Variants in NUDT3 observed in about 807,000 individuals in gnomAD.
The protein encoded by NUDT3 is nudix hydrolase 3.
In NUDT3, 9 loss-of-function variants were observed where a neutral mutation model predicts 23.6. The ratio of observed to expected loss-of-function variants is 0.38; its 90% confidence interval spans 0.23 to 0.66. The LOEUF (loss-of-function observed/expected upper bound fraction) is 0.66. Ranked by LOEUF, NUDT3 falls within the 30% of genes least tolerant of loss-of-function variation. NUDT3 has a pLI of 0.52. For synonymous variants in NUDT3, 86 were observed against 82.6 expected, an observed-to-expected ratio of 1.04 and a Z score of -0.22; for missense variants, 172 against 218.5, an observed-to-expected ratio of 0.79 and a Z score of 1.34.
chr6:34,358,718 C>A (rs1360483918), intron 1 of NUDT3, among the ~76,000 whole-genome samples: 1 of 152,094 alleles, frequency 6.6e-6, no homozygotes, highest in African/African-American at 2.4e-5. Flanking sequence ...GGGGCCAGAG[C>A]TAGGACTGGG....
At chr6:34,351,440 TAA>T (rs59813238) in intron 1 of NUDT3, among the ~76,000 whole-genome samples, 2 of 129,120 alleles carry the variant, frequency 1.5e-5, no homozygotes. Flanking sequence ...ACCATGTCTT[TAA>T]AAAAAAAAAA....
At chr6:34,371,952 T>G (rs1310636685) in intron 1 of NUDT3, among the ~76,000 whole-genome samples, 1 of 152,204 alleles carries the variant, frequency 6.6e-6, no homozygotes, top group Non-Finnish European at 1.5e-5. Context: ...GTCCAAGTGT[T>G]CTTATTGTTC....
At chr6:34,364,257 C>T (rs550129798) in intron 1 of NUDT3, among the ~76,000 whole-genome samples, 1 of 152,268 alleles carries the variant, frequency 6.6e-6, no homozygotes, top group South Asian at 2.1e-4. Context: ...TAACAGCTGA[C>T]AAGCTGTCTT....
chr6:34,347,785 A>G (rs1489293603), intron 1 of NUDT3, among the ~76,000 whole-genome samples: 2 of 152,092 alleles, frequency 1.3e-5, no homozygotes, highest in Non-Finnish European at 2.9e-5. Flanking sequence ...AAAAAGAGTA[A>G]TTATACGGAG....
At chr6:34,380,626 A>G (rs776583723) in intron 1 of NUDT3, among the ~76,000 whole-genome samples, 7 of 152,208 alleles carry the variant, frequency 4.6e-5, no homozygotes, top group Non-Finnish European at 1.0e-4. Flanking sequence ...AGGGTTCAAA[A>G]TGGATAGAAT....
intron 2 of NUDT3, among the ~76,000 whole-genome samples, chr6:34,296,883 G>C (rs897065313): frequency 1.3e-4 from 19 of 151,204 alleles, no homozygotes; most frequent in Non-Finnish European, 2.5e-4. Flanking sequence ...AATACACAGA[G>C]TGATGTGATG....
At chr6:34,299,779 C>G (rs116128469) in intron 2 of NUDT3, among the ~76,000 whole-genome samples, 1 of 151,022 alleles carries the variant, frequency 6.6e-6, no homozygotes, top group African/African-American at 2.4e-5. Context: ...GGTGGGTGCC[C>G]ATAATCCCAG....
intron 2 of NUDT3, among the ~76,000 whole-genome samples, chr6:34,336,479 A>G (rs1166196434): frequency 6.6e-6 from 1 of 151,990 alleles, no homozygotes; most frequent in Non-Finnish European, 1.5e-5. Context: ...CCCTTGTTGA[A>G]TGAGTATTTT....
chr6:34,295,742 C>G, intron 2 of NUDT3, 57 bp from the exon 3 acceptor site: 1 of 1,601,372 alleles, frequency 6.2e-7, no homozygotes, highest in East Asian at 2.2e-5. Context: ...TGGTCTCATT[C>G]TGAGTCTTCT....
chr6:34,372,421 T>A (rs1764846242), intron 1 of NUDT3, among the ~76,000 whole-genome samples: 1 of 152,160 alleles, frequency 6.6e-6, no homozygotes, highest in African/African-American at 2.4e-5. Context: ...TCCTGACTTT[T>A]TAATGATTGC....
At chr6:34,333,562 A>G (rs1764161846) in intron 2 of NUDT3, among the ~76,000 whole-genome samples, 1 of 152,174 alleles carries the variant, frequency 6.6e-6, no homozygotes, top group African/African-American at 2.4e-5. Context: ...TCTTACCTTG[A>G]GCATATTAGG....
chr6:34,296,233 C>T (rs1183643995), intron 2 of NUDT3, among the ~76,000 whole-genome samples: 1 of 152,176 alleles, frequency 6.6e-6, no homozygotes, highest in Non-Finnish European at 1.5e-5. Context: ...TGCACCACTG[C>T]ACTCCAGCCT....
chr6:34,351,761 AAG>A (rs1764482715), intron 1 of NUDT3, among the ~76,000 whole-genome samples: 1 of 138,996 alleles, frequency 7.2e-6, no homozygotes, highest in South Asian at 2.2e-4. Flanking sequence ...AAAAAAAAAA[AAG>A]AAATAGAAAA....
At chr6:34,308,968 G>A (rs915822248) in intron 2 of NUDT3, among the ~76,000 whole-genome samples, 2 of 152,096 alleles carry the variant, frequency 1.3e-5, no homozygotes, top group Non-Finnish European at 2.9e-5. Context: ...TTATTCTCAA[G>A]CTCACATGGA....
At chr6:34,300,170 G>A (rs1461803109) in intron 2 of NUDT3, among the ~76,000 whole-genome samples, 1 of 152,152 alleles carries the variant, frequency 6.6e-6, no homozygotes, top group Non-Finnish European at 1.5e-5. Context: ...CCCTGTGTAT[G>A]TACAAAAGCT....
chr6:34,382,593 C>T (rs1187968172), intron 1 of NUDT3, among the ~76,000 whole-genome samples: 1 of 151,122 alleles, frequency 6.6e-6, no homozygotes, highest in Non-Finnish European at 1.5e-5. Flanking sequence ...GCTGCTGCTT[C>T]GGTCAAGGCA....
At chr6:34,297,259 A>G (rs1361803599) in intron 2 of NUDT3, among the ~76,000 whole-genome samples, 1 of 152,010 alleles carries the variant, frequency 6.6e-6, no homozygotes, top group Non-Finnish European at 1.5e-5. Context: ...GAAAACAGTA[A>G]CTTGCTTCTC....
chr6:34,374,454 C>G (rs938315781), intron 1 of NUDT3, among the ~76,000 whole-genome samples: 1 of 152,086 alleles, frequency 6.6e-6, no homozygotes, highest in Non-Finnish European at 1.5e-5. Flanking sequence ...TGCAGTGAAT[C>G]TTTCCTTTCT....
chr6:34,323,495 C>T (rs531509135), intron 2 of NUDT3, among the ~76,000 whole-genome samples: 174 of 151,770 alleles, frequency 1.1e-3, no homozygotes, highest in African/African-American at 3.8e-3. Context: ...TGAGCCTGGG[C>T]GGTAGACGTG....
Sources: allele counts gnomAD v4.1 joint callset (sites outside exome capture counted in the v4.1 genomes callset), GRCh38; gene constraint gnomAD v4.1.1; transcripts MANE v1.5; gene names NCBI Gene and HGNC (gene_info 2026-07-23, HGNC 2026-07-21).